The following BAALC variants were observed in gnomAD, a reference collection of about 807,000 sequenced individuals.
BAALC encodes BAALC binder of MAP3K1 and KLF4, also known as brain and acute leukemia cytoplasmic protein.
Under a neutral mutation model 15.5 loss-of-function variants are expected in BAALC, and 9 were observed. The observed-to-expected ratio is 0.58, with a 90% confidence interval of 0.35 to 1.02. The LOEUF is 1.02. BAALC is among the 50% of genes least tolerant of loss of function. The pLI, the probability that BAALC is intolerant of heterozygous loss-of-function variation, is 0.02. For missense variants in BAALC, 201 were observed against 192.4 expected (o/e 1.04, Z -0.27); for synonymous variants, 80 against 74.6 (o/e 1.07, Z -0.37).
chr8:103,224,564 T>G (rs1045907707), intron 2 of BAALC, among the ~76,000 whole-genome samples: 1 of 152,024 alleles, frequency 6.6e-6, no homozygotes, highest in African/African-American at 2.4e-5. Context: ...GAGACCAAGT[T>G]TTGTTGTGCA....
At chr8:103,198,008 TGA>T in intron 1 of BAALC, 1 of 621,642 alleles carries the variant, frequency 1.6e-6, no homozygotes, top group Non-Finnish European at 2.9e-6. Context: ...CTCTGCTCTG[TGA>T]GGACTAACCA....
chr8:103,186,822 A>G (rs1433719682), intron 1 of BAALC, among the ~76,000 whole-genome samples: 1 of 152,206 alleles, frequency 6.6e-6, no homozygotes, highest in Non-Finnish European at 1.5e-5. Context: ...TCTTGAGCTG[A>G]GCTATTTCAT....
chr8:103,161,202 G>A (rs1483799792), intron 1 of BAALC, among the ~76,000 whole-genome samples: 1 of 151,920 alleles, frequency 6.6e-6, no homozygotes, highest in Non-Finnish European at 1.5e-5. Flanking sequence ...AAGAAGTTTG[G>A]CTTTCATTAT....
At chr8:103,152,603 C>T (rs13274504) in intron 1 of BAALC, among the ~76,000 whole-genome samples, 50,909 of 152,128 alleles carry the variant, frequency 0.33, 8,618 homozygotes, top group Middle Eastern at 0.45. Flanking sequence ...GTGCTTAGAA[C>T]AGTGCCCAGC....
chr8:103,163,285 C>G (rs774824113), intron 1 of BAALC, among the ~76,000 whole-genome samples: 1 of 152,130 alleles, frequency 6.6e-6, no homozygotes, highest in Non-Finnish European at 1.5e-5. Flanking sequence ...GTTCTCTTCT[C>G]TTATCCAGCA....
chr8:103,222,848 G>C (rs897544271), intron 2 of BAALC, among the ~76,000 whole-genome samples: 2 of 152,140 alleles, frequency 1.3e-5, no homozygotes, highest in African/African-American at 4.8e-5. Context: ...AGTAGTAGCA[G>C]TAGTCATCGT....
chr8:103,223,038 G>C (rs747261523), intron 2 of BAALC, among the ~76,000 whole-genome samples: 37 of 152,124 alleles, frequency 2.4e-4, no homozygotes, highest in Non-Finnish European at 3.8e-4. Flanking sequence ...GCCGGGCGTG[G>C]TGGCTGGCTC....
chr8:103,157,798 C>T (rs1586380400), intron 1 of BAALC, among the ~76,000 whole-genome samples: 1 of 152,032 alleles, frequency 6.6e-6, no homozygotes, highest in African/African-American at 2.4e-5. Flanking sequence ...CAGAGCAAGA[C>T]CCTGTTTCAA....
rs534840814 is a variant in BAALC, at chr8:103,217,676, C to A, written c.327+4591C>A. ...TTAAAGCTTTCCTTCTCTAGAAGAT[C>A]CCTTTCATGAAGCATGTGTCCTCAT... On this transcript the variant is annotated intron_variant, in intron 2 of 2. Transcript: ENST00000309982. Among the ~76,000 whole-genome samples the A allele has an allele frequency of 2.0e-5, 3 of 152,256 alleles. No individual in the cohort carries two copies. The East Asian group carries it at 5.8e-4, about 29-fold the overall frequency.
chr8:103,226,119 A>C (rs1273253601), intron 2 of BAALC, among the ~76,000 whole-genome samples: 1 of 152,240 alleles, frequency 6.6e-6, no homozygotes, highest in Non-Finnish European at 1.5e-5. Context: ...GATCTGAGGC[A>C]GACTATGTTC....
chr8:103,216,017 T>A (rs975037056), intron 2 of BAALC, among the ~76,000 whole-genome samples: 1 of 152,220 alleles, frequency 6.6e-6, no homozygotes, highest in African/African-American at 2.4e-5. Flanking sequence ...ATAAATAGAA[T>A]CATACAAGTG....
chr8:103,210,188 G>A (rs1183563879), intron 1 of BAALC, among the ~76,000 whole-genome samples: 2 of 152,226 alleles, frequency 1.3e-5, no homozygotes, highest in Non-Finnish European at 2.9e-5. Context: ...GGGGCAGGCT[G>A]TAATTGGTGG....
intron 1 of BAALC, among the ~76,000 whole-genome samples, chr8:103,161,592 C>T (rs960976519): frequency 1.3e-5 from 2 of 152,140 alleles, no homozygotes; most frequent in Non-Finnish European, 2.9e-5. Context: ...TAGTCTTGTC[C>T]ATGTGTCTTT....
intron 2 of BAALC, among the ~76,000 whole-genome samples, chr8:103,227,646 T>C (rs1812835453): frequency 6.6e-6 from 1 of 152,218 alleles, no homozygotes. Context: ...AAATGCATAT[T>C]TGACTGTTCC....
At chr8:103,196,402 T>G (rs1812099045) in intron 1 of BAALC, among the ~76,000 whole-genome samples, 1 of 152,108 alleles carries the variant, frequency 6.6e-6, no homozygotes, top group African/African-American at 2.4e-5. Flanking sequence ...CACCTCAGCC[T>G]CCCAAATAGC....
intron 1 of BAALC, among the ~76,000 whole-genome samples, chr8:103,193,058 C>T (rs1031672882): frequency 2.0e-5 from 3 of 152,192 alleles, no homozygotes; most frequent in African/African-American, 7.2e-5. Context: ...GTCTGTTTTT[C>T]TAGGGCTCTG....
At chr8:103,187,728 T>G (rs1811874642) in intron 1 of BAALC, among the ~76,000 whole-genome samples, 1 of 152,194 alleles carries the variant, frequency 6.6e-6, no homozygotes, top group South Asian at 2.1e-4. Context: ...TCACACTGGG[T>G]AAGGCTTGCT....
At chr8:103,152,814 C>T (rs1016528063) in intron 1 of BAALC, among the ~76,000 whole-genome samples, 7 of 152,196 alleles carry the variant, frequency 4.6e-5, no homozygotes, top group Non-Finnish European at 8.8e-5. Flanking sequence ...GCTCCTTTGG[C>T]TTTATTGCTC....
chr8:103,215,754 A>C (rs752370207), intron 2 of BAALC, among the ~76,000 whole-genome samples: 1 of 152,194 alleles, frequency 6.6e-6, no homozygotes. Flanking sequence ...GACAAGCCCA[A>C]CTTTAAGCAG....
Sources: gnomAD v4.1 joint callset for allele counts (sites outside exome capture counted in the v4.1 genomes callset) on GRCh38, gnomAD v4.1.1 for gene constraint, MANE v1.5 for transcripts, NCBI Gene and HGNC (gene_info 2026-07-23, HGNC 2026-07-21) for gene names.